Variants in INPP4B observed in about 807,000 individuals in gnomAD.
INPP4B encodes the protein inositol polyphosphate-4-phosphatase type II B.
A neutral mutation model predicts 122.5 loss-of-function variants in INPP4B; 55 were observed. The ratio of observed to expected loss-of-function variants is 0.45; its 90% CI spans 0.36 to 0.56. The LOEUF is 0.56. Ranked by LOEUF, INPP4B falls within the 20% of genes least tolerant of loss-of-function variation. The probability of loss-of-function intolerance (pLI) is 0.00; values close to 1 mark genes in which losing one functional copy is unlikely to be tolerated. For synonymous variants in INPP4B, 403 were observed against 388.7 expected (o/e 1.04, Z -0.43); for missense variants, 1,000 against 1,097.7 (o/e 0.91, Z 1.26).
rs116211584 is a variant in INPP4B at position 142,686,658 on chromosome 4, C to T, written c.-191+39181G>A. Among the ~76,000 whole-genome samples, 777 of 152,234 alleles carry T rather than the reference C, an allele frequency of 5.1e-3. 6 individuals are homozygous for T. Among genetic ancestry groups the T allele is most frequent in the African/African-American group, 0.017 (703 of 41,568 alleles). Reference sequence around the variant, plus strand: ...CACTACTAAGTTTCATCCTCAAATACTGTAGAGCTTCTACAGTACAAAATG... The same window carrying T: ...CACTACTAAGTTTCATCCTCAAATATTGTAGAGCTTCTACAGTACAAAATG... On this transcript the variant is annotated intron_variant, in intron 2 of 25. Transcript: ENST00000262992.
chr4:142,301,642 A>G (rs1277483502), intron 9 of INPP4B, among the ~76,000 whole-genome samples: 1 of 152,330 alleles, frequency 6.6e-6, no homozygotes, highest in Non-Finnish European at 1.5e-5. Context: ...CATTAAACAC[A>G]TAACTGGTAA....
chr4:142,247,092 A>G (rs1050531554), intron 11 of INPP4B, among the ~76,000 whole-genome samples: 8 of 152,200 alleles, frequency 5.3e-5, no homozygotes, highest in Admixed American at 3.9e-4. Flanking sequence ...GTGATCGATT[A>G]TGTTTATTGA....
At chr4:142,182,466 T>C (rs532986185) in intron 15 of INPP4B, among the ~76,000 whole-genome samples, 1 of 146,452 alleles carries the variant, frequency 6.8e-6, no homozygotes, top group Non-Finnish European at 1.5e-5. Flanking sequence ...GAGAACTGCT[T>C]GAACCCGGGA....
At chr4:142,122,647 A>T (rs954550997) in intron 20 of INPP4B, among the ~76,000 whole-genome samples, 1 of 152,122 alleles carries the variant, frequency 6.6e-6, no homozygotes, top group Non-Finnish European at 1.5e-5. Flanking sequence ...TAACAAATGA[A>T]GCCTGACAGG....
At chr4:142,170,595 T>C (rs1305626717) in intron 16 of INPP4B, among the ~76,000 whole-genome samples, 1 of 151,696 alleles carries the variant, frequency 6.6e-6, no homozygotes, top group Non-Finnish European at 1.5e-5. Context: ...ACTTACTTCA[T>C]AGAATTAGGA....
rs139043628 is a variant in INPP4B at position 142,663,001 on chromosome 4, C to T, written c.-191+62838G>A. On this transcript the variant is annotated intron_variant, in intron 2 of 25. Coordinates refer to ENST00000262992, the MANE Select transcript of INPP4B (RefSeq NM_001101669.3). ...ATTAATATTAATAGTCACATTTTTCCTAAGTATTAAAAGTTACTGGAACAA... is the reference window on the plus strand; with the variant it reads ...ATTAATATTAATAGTCACATTTTTCTTAAGTATTAAAAGTTACTGGAACAA... 6.8e-4 allele frequency among the ~76,000 whole-genome samples: 103 copies of T among 152,156 alleles called. No homozygotes were observed. In the East Asian group the frequency reaches 0.017, roughly 25 times the overall value.
chr4:142,392,808 G>A (rs570231108), intron 7 of INPP4B, among the ~76,000 whole-genome samples: 2 of 152,122 alleles, frequency 1.3e-5, no homozygotes, highest in African/African-American at 2.4e-5. Flanking sequence ...TATGACCTAC[G>A]GAGAAAACAT....
chr4:142,606,953 A>G (rs1339212785), intron 2 of INPP4B, among the ~76,000 whole-genome samples: 2 of 152,028 alleles, frequency 1.3e-5, no homozygotes, highest in Non-Finnish European at 2.9e-5. Flanking sequence ...TAATCATTAT[A>G]GAATAATTAG....
At chr4:142,512,593 G>C (rs1339080682) in intron 2 of INPP4B, among the ~76,000 whole-genome samples, 4 of 152,062 alleles carry the variant, frequency 2.6e-5, no homozygotes, top group African/African-American at 4.8e-5. Context: ...TGTAGCAGAC[G>C]ATTCTTATAT....
chr4:142,762,474 C>A (rs909930180), intron 1 of INPP4B, among the ~76,000 whole-genome samples: 1 of 152,096 alleles, frequency 6.6e-6, no homozygotes, highest in East Asian at 1.9e-4. Context: ...AAATAGCTGT[C>A]CTGAGTGACA....
Position 142,263,637 on chromosome 4 carries a change from AAAATATAT to A in INPP4B, c.616-3081_616-3074del, listed in dbSNP as rs1386298843. On this transcript the variant is annotated intron_variant, in intron 10 of 25. Coordinates refer to ENST00000262992, the MANE Select transcript of INPP4B (RefSeq NM_001101669.3). ...TAGACCACAAATGAGATAAATTCGTAAAATATATATATATATATATATATATATATATA... is the reference window on the plus strand; with the variant it reads ...TAGACCACAAATGAGATAAATTCGTAATATATATATATATATATATATATA... 7.1e-5 allele frequency among the ~76,000 whole-genome samples: 3 copies of A among 42,216 alleles called. 1 individual carries two copies. Among genetic ancestry groups the A allele is most frequent in the Non-Finnish European group, 1.6e-4 (3 of 18,690 alleles). The allele number at this position is 42,216 out of a possible 152,430, so 27.7% of individuals were successfully genotyped here. A position where few individuals can be genotyped will look rare whatever the true frequency, so the allele number is the denominator to read the frequency against.
chr4:142,326,441 T>C (rs776893896), intron 7 of INPP4B, among the ~76,000 whole-genome samples: 17 of 152,206 alleles, frequency 1.1e-4, no homozygotes, highest in Non-Finnish European at 2.2e-4. Flanking sequence ...GAGAACTCCA[T>C]TCCTGCTGAC....
intron 5 of INPP4B, among the ~76,000 whole-genome samples, chr4:142,414,255 A>G (rs1273682264): frequency 2.0e-5 from 3 of 152,102 alleles, no homozygotes; most frequent in Admixed American, 1.3e-4. Flanking sequence ...CCATTATTTT[A>G]TGTGTCTGTG....
At chr4:142,492,608 CAA>C (rs1308887771) in intron 2 of INPP4B, among the ~76,000 whole-genome samples, 1 of 152,090 alleles carries the variant, frequency 6.6e-6, no homozygotes, top group African/African-American at 2.4e-5. Context: ...TCTTGCTATG[CAA>C]AGAGACTGGT....
At chr4:142,435,867 G>C (rs1810368848) in intron 3 of INPP4B, among the ~76,000 whole-genome samples, 1 of 152,094 alleles carries the variant, frequency 6.6e-6, no homozygotes, top group Non-Finnish European at 1.5e-5. Flanking sequence ...CACTTGGCTG[G>C]AATCTGCCTA....
intron 15 of INPP4B, 56 bp from the exon 16 acceptor site, chr4:142,173,865 C>T: frequency 7.3e-7 from 1 of 1,376,402 alleles, no homozygotes; most frequent in Non-Finnish European, 1.0e-6. Flanking sequence ...ATGTTCAGCC[C>T]TTAATATCAG....
chr4:142,769,238 G>A (rs992599514), intron 1 of INPP4B, among the ~76,000 whole-genome samples: 1 of 152,168 alleles, frequency 6.6e-6, no homozygotes, highest in African/African-American at 2.4e-5. Context: ...TTTTGAATCT[G>A]TTGGCTTTGA....
chr4:142,279,700 T>C (rs1750284162), intron 9 of INPP4B, among the ~76,000 whole-genome samples: 1 of 152,024 alleles, frequency 6.6e-6, no homozygotes, highest in Non-Finnish European at 1.5e-5. Context: ...TAGAGTTCTT[T>C]AGTGTGACAC....
At chr4:142,081,968 A>C in intron 25 of INPP4B, 63 bp downstream of exon 25, 4 of 1,232,950 alleles carry the variant, frequency 3.2e-6, no homozygotes, top group Non-Finnish European at 4.3e-6. Context: ...TATTTTGAAA[A>C]AAAAAATAAA....
Sources: allele counts gnomAD v4.1 joint callset (sites outside exome capture counted in the v4.1 genomes callset), GRCh38; gene constraint gnomAD v4.1.1; transcripts MANE v1.5; gene names NCBI Gene and HGNC (gene_info 2026-07-23, HGNC 2026-07-21).